Variants in KCNMB2 observed in about 807,000 individuals in gnomAD.
The protein encoded by KCNMB2 is potassium calcium-activated channel subfamily M regulatory beta subunit 2.
Under a neutral mutation model 24.5 loss-of-function variants are expected in KCNMB2, and 9 were observed. The ratio of observed to expected loss-of-function variants is 0.37; its 90% CI spans 0.22 to 0.64. The LOEUF is 0.64. Among genes scored for constraint, KCNMB2 ranks in the 30% least tolerant of loss-of-function variants. The probability of loss-of-function intolerance (pLI) is 0.63; values close to 1 mark genes in which losing one functional copy is unlikely to be tolerated. For synonymous variants in KCNMB2, 109 were observed against 104.4 expected (o/e 1.04, Z -0.27); for missense variants, 226 against 284.3 (o/e 0.79, Z 1.47).
At chr3:178,643,236 T>G (rs1273820247) in intron 1 of KCNMB2, among the ~76,000 whole-genome samples, 1 of 152,134 alleles carries the variant, frequency 6.6e-6, no homozygotes, top group Admixed American at 6.5e-5. Context: ...GGGTTTGTAG[T>G]TGCCAGGGGT....
chr3:178,757,464 C>A (rs1405013077), intron 1 of KCNMB2, among the ~76,000 whole-genome samples: 7 of 37,630 alleles, frequency 1.9e-4, no homozygotes, highest in East Asian at 5.6e-4. Flanking sequence ...GTATATATAT[C>A]CAAGAGGATA....
chr3:178,661,735 C>T (rs566631294), intron 1 of KCNMB2, among the ~76,000 whole-genome samples: 1 of 152,224 alleles, frequency 6.6e-6, no homozygotes, highest in Non-Finnish European at 1.5e-5. Flanking sequence ...ATCTTGGATC[C>T]CGCCCCAAAT....
chr3:178,842,786 T>C lies in KCNMB2; in HGVS notation c.557T>C (p.Ile186Thr). Residue 186 changes from isoleucine to threonine, a missense_variant, in exon 5 of 5, where the codon ATC becomes ACC. Physicochemically the swap from Ile to Thr is moderately conservative, Grantham distance 89 (BLOSUM62 -1). Coordinates refer to ENST00000452583, the MANE Select transcript of KCNMB2 (RefSeq NM_181361.3). Reference sequence around the variant, plus strand: ...CCAGAAGGAAACCAGAAGAGTGTTATCCTAACAAAACTCTACAGTTCCAAC... The same window carrying C: ...CCAGAAGGAAACCAGAAGAGTGTTACCCTAACAAAACTCTACAGTTCCAAC... The part of the protein sequence containing the change: ...SDPEGNQKSV[I>T]LTKLYSSNVL... 6 of 1,613,994 alleles carry C rather than the reference T, an allele frequency of 3.7e-6. No homozygotes were observed. Among genetic ancestry groups the C allele is most frequent in the Non-Finnish European group, 5.1e-6 (6 of 1,179,888 alleles).
At chr3:178,720,032 C>T (rs903633859) in intron 1 of KCNMB2, among the ~76,000 whole-genome samples, 12 of 151,576 alleles carry the variant, frequency 7.9e-5, no homozygotes, top group South Asian at 2.1e-4. Flanking sequence ...CACAACGTGC[C>T]GGTTAGTTAC....
intron 1 of KCNMB2, among the ~76,000 whole-genome samples, chr3:178,618,601 T>C (rs1048841387): frequency 6.6e-5 from 10 of 152,192 alleles, no homozygotes; most frequent in African/African-American, 2.2e-4. Flanking sequence ...GGGAAGGTAA[T>C]CTATCTGATT....
At chr3:178,833,057 A>AGCCC (rs2108473333) in intron 4 of KCNMB2, among the ~76,000 whole-genome samples, 2 of 149,260 alleles carry the variant, frequency 1.3e-5, no homozygotes, top group East Asian at 1.9e-4. Flanking sequence ...TCCAAAAATT[A>AGCCC]TTTCCACTTA....
Position 178,751,688 on chromosome 3 carries a change from G to C in KCNMB2, c.-67-55655G>C, listed in dbSNP as rs115884885. On this transcript the variant is annotated intron_variant, in intron 1 of 4. Coordinates refer to ENST00000452583, the MANE Select transcript of KCNMB2 (RefSeq NM_181361.3). ...GTTCACAAAGGTACAATAGGGAAGA[G>C]GGAAATGTTTATTTGGAGAGTGTGC... 7.8e-3 allele frequency among the ~76,000 whole-genome samples: 1,188 copies of C among 151,690 alleles called. 15 individuals carry two copies. Among genetic ancestry groups the C allele is most frequent in the African/African-American group, 0.028 (1,155 of 41,346 alleles).
chr3:178,556,046 A>G (rs1484675756), intron 1 of KCNMB2, among the ~76,000 whole-genome samples: 1 of 152,226 alleles, frequency 6.6e-6, no homozygotes, highest in Non-Finnish European at 1.5e-5. Flanking sequence ...ATGGAGAGTA[A>G]ATAGGAAAAA....
chr3:178,709,882 T>C (rs1310256426), intron 1 of KCNMB2, among the ~76,000 whole-genome samples: 1 of 152,156 alleles, frequency 6.6e-6, no homozygotes, highest in African/African-American at 2.4e-5. Flanking sequence ...TTTCACTGAT[T>C]TTACAGATAA....
At chr3:178,541,999 T>G (rs561470505) in intron 1 of KCNMB2, among the ~76,000 whole-genome samples, 1 of 152,256 alleles carries the variant, frequency 6.6e-6, no homozygotes, top group Non-Finnish European at 1.5e-5. Flanking sequence ...CAATTGGAAT[T>G]AGTTTATCCT....
chr3:178,741,702 T>G (rs538451601), intron 1 of KCNMB2, among the ~76,000 whole-genome samples: 1 of 152,294 alleles, frequency 6.6e-6, no homozygotes, highest in East Asian at 1.9e-4. Flanking sequence ...AGCAAGTTCT[T>G]CAAGGGTCAG....
At chr3:178,666,926 T>A (rs1388982936) in intron 1 of KCNMB2, among the ~76,000 whole-genome samples, 1 of 152,160 alleles carries the variant, frequency 6.6e-6, no homozygotes, top group Admixed American at 6.6e-5. Flanking sequence ...GTTCCTTACA[T>A]AAAATGATGT....
chr3:178,583,672 A>T (rs532548676), intron 1 of KCNMB2, among the ~76,000 whole-genome samples: 12 of 152,300 alleles, frequency 7.9e-5, no homozygotes, highest in African/African-American at 2.9e-4. Flanking sequence ...AAGTTACTTA[A>T]CTTTTCTGAG....
At chr3:178,750,284 T>C (rs1022999216) in intron 1 of KCNMB2, among the ~76,000 whole-genome samples, 1 of 151,928 alleles carries the variant, frequency 6.6e-6, no homozygotes, top group Non-Finnish European at 1.5e-5. Flanking sequence ...GAAAAGGAAG[T>C]AAAGTTTTGA....
intron 1 of KCNMB2, among the ~76,000 whole-genome samples, chr3:178,669,650 CA>C (rs1368598020): frequency 6.6e-6 from 1 of 151,976 alleles, no homozygotes; most frequent in Non-Finnish European, 1.5e-5. Context: ...AGGAACTTAT[CA>C]TTTAGGAGAA....
At chr3:178,610,299 C>G (rs1399700609) in intron 1 of KCNMB2, among the ~76,000 whole-genome samples, 1 of 151,972 alleles carries the variant, frequency 6.6e-6, no homozygotes, top group African/African-American at 2.4e-5. Flanking sequence ...TTTCTAATTT[C>G]TGTGAAAAAT....
Position 178,737,135 on chromosome 3 carries a change from C to T in KCNMB2, c.-67-70208C>T, listed in dbSNP as rs1012027981. On this transcript the variant is annotated intron_variant, in intron 1 of 4. Coordinates refer to ENST00000452583, the MANE Select transcript of KCNMB2 (RefSeq NM_181361.3). ...AAATACAAAAATTAGCCAGGCGTGG[C>T]GGTGCCCACCTGTAATCCCAACTGC... 8.5e-5 allele frequency among the ~76,000 whole-genome samples: 13 copies of T among 152,106 alleles called. 1 individual carries two copies. The highest frequency in any genetic ancestry group is 2.2e-4 in the African/African-American group (9 of 41,502).
intron 1 of KCNMB2, among the ~76,000 whole-genome samples, chr3:178,790,528 G>T (rs1284431064): frequency 1.3e-5 from 2 of 152,138 alleles, no homozygotes; most frequent in Non-Finnish European, 2.9e-5. Context: ...CTGGAGGGGT[G>T]ATCACTGCCT....
intron 1 of KCNMB2, among the ~76,000 whole-genome samples, chr3:178,718,540 T>C (rs1158692312): frequency 6.6e-6 from 1 of 152,226 alleles, no homozygotes; most frequent in Non-Finnish European, 1.5e-5. Flanking sequence ...AGTATGGCAC[T>C]AAATGACAGT....
Sources: allele counts gnomAD v4.1 joint callset (sites outside exome capture counted in the v4.1 genomes callset), GRCh38; gene constraint gnomAD v4.1.1; transcripts MANE v1.5; gene names NCBI Gene and HGNC (gene_info 2026-07-23, HGNC 2026-07-21).